WNT7A: variants seen among roughly 807,000 people sequenced by gnomAD.
WNT7A encodes protein Wnt-7a.
WNT7A carries 16 observed loss-of-function variants against 28.2 expected under a neutral mutation model. The observed-to-expected ratio is 0.57, with a 90% CI of 0.38 to 0.86. The LOEUF is 0.86. Ranked by LOEUF, WNT7A falls within the 40% of genes least tolerant of loss-of-function variation. The probability of loss-of-function intolerance (pLI) is 0.00; values close to 1 mark genes in which losing one functional copy is unlikely to be tolerated. For missense variants in WNT7A, 411 were observed against 489.7 expected (o/e 0.84, Z 1.52); for synonymous variants, 190 against 195.9 (o/e 0.97, Z 0.25).
At chr3:13,841,461 G>A (rs1020510934) in intron 3 of WNT7A, among the ~76,000 whole-genome samples, 12 of 152,198 alleles carry the variant, frequency 7.9e-5, no homozygotes, top group East Asian at 1.9e-4. Flanking sequence ...GACTTTGGGC[G>A]AGTCGCTGAA....
intron 3 of WNT7A, among the ~76,000 whole-genome samples, chr3:13,825,309 G>A (rs919894671): frequency 6.6e-6 from 1 of 152,168 alleles, no homozygotes; most frequent in Non-Finnish European, 1.5e-5. Flanking sequence ...CTCCCTCATG[G>A]TTTCCATGGC....
At chr3:13,835,153 G>A (rs1406383422) in intron 3 of WNT7A, among the ~76,000 whole-genome samples, 3 of 152,326 alleles carry the variant, frequency 2.0e-5, no homozygotes, top group Admixed American at 6.5e-5. Flanking sequence ...ACAGGAAGGA[G>A]GGCAGTGGGC....
At chr3:13,826,253 G>C (rs1425272882) in intron 3 of WNT7A, among the ~76,000 whole-genome samples, 1 of 152,204 alleles carries the variant, frequency 6.6e-6, no homozygotes, top group East Asian at 1.9e-4. Flanking sequence ...TTCCAAACCA[G>C]AAGTAACTGT....
intron 2 of WNT7A, among the ~76,000 whole-genome samples, chr3:13,861,671 G>A (rs1021090219): frequency 3.3e-5 from 5 of 152,192 alleles, no homozygotes; most frequent in Non-Finnish European, 7.4e-5. Flanking sequence ...AGCTAGTGGC[G>A]GGAGCAGGTG....
At chr3:13,825,101 G>C (rs2124829874) in intron 3 of WNT7A, among the ~76,000 whole-genome samples, 1 of 152,312 alleles carries the variant, frequency 6.6e-6, no homozygotes, top group Admixed American at 6.5e-5. Flanking sequence ...AAGAGCACAG[G>C]GTATTTCTGG....
chr3:13,877,230 T>C (rs1382382288), intron 1 of WNT7A: 1 of 152,258 alleles, frequency 6.6e-6, no homozygotes, highest in Non-Finnish European at 1.5e-5. Context: ...CACACAGCCC[T>C]GTGGGGCAAG....
chr3:13,833,297 T>C (rs976965160), intron 3 of WNT7A, among the ~76,000 whole-genome samples: 2 of 152,076 alleles, frequency 1.3e-5, no homozygotes, highest in East Asian at 1.9e-4. Flanking sequence ...TCTCATGCCG[T>C]CCATCCCTAC....
intron 3 of WNT7A, among the ~76,000 whole-genome samples, chr3:13,830,480 C>T (rs1694264061): frequency 2.6e-5 from 4 of 152,178 alleles, no homozygotes; most frequent in Admixed American, 2.6e-4. Flanking sequence ...GTCCATCATC[C>T]TCTGTGTGTG....
At position 13,818,778 on chromosome 3, in the gene WNT7A, T is replaced by C; in HGVS notation, c.*166A>G. ...TGTGGAACAGAATAGTTGAGGGCTC[T>C]GAGAGATTTTTTTTCCCCCACGGAT... On this transcript the variant is annotated 3_prime_UTR_variant, in exon 4 of 4. Transcript: ENST00000285018. 1.8e-6 allele frequency: 2 copies of C among 1,084,838 alleles called. No homozygotes were observed. Among genetic ancestry groups the C allele is most frequent in the Non-Finnish European group, 2.5e-6 (2 of 784,332 alleles). The allele number at this position is 1,084,838 out of a possible 1,614,324, so 67.2% of individuals were successfully genotyped here. A position where few individuals can be genotyped will look rare whatever the true frequency, so the allele number is the denominator to read the frequency against.
chr3:13,866,866 G>A (rs1157969593), intron 2 of WNT7A, among the ~76,000 whole-genome samples: 1 of 152,162 alleles, frequency 6.6e-6, no homozygotes, highest in East Asian at 1.9e-4. Flanking sequence ...GAGGTGGAGT[G>A]CATTTGGAGG....
At chr3:13,853,650 C>T (rs996723419) in intron 3 of WNT7A, among the ~76,000 whole-genome samples, 10 of 152,226 alleles carry the variant, frequency 6.6e-5, no homozygotes, top group South Asian at 2.1e-4. Context: ...GTGTTGCCCA[C>T]GGGCTCATGG....
At chr3:13,858,965 G>T (rs1018699945) in intron 2 of WNT7A, among the ~76,000 whole-genome samples, 1 of 152,138 alleles carries the variant, frequency 6.6e-6, no homozygotes, top group Non-Finnish European at 1.5e-5. Flanking sequence ...TTGACCCTTC[G>T]TTGCTTCCTC....
At chr3:13,872,367 C>T (rs74799154) in intron 2 of WNT7A, among the ~76,000 whole-genome samples, 17,307 of 152,072 alleles carry the variant, frequency 0.11, 1,956 homozygotes, top group African/African-American at 0.28. Context: ...GTTGCCACTT[C>T]TGTGGGCCAA....
At position 13,845,059 on chromosome 3, in the gene WNT7A, C is replaced by T. The variant is rs1694517732; in HGVS notation, c.570+9473G>A. Among the ~76,000 whole-genome samples the T allele has an allele frequency of 2.0e-5, 3 of 152,246 alleles. No individual in the cohort carries two copies. In the South Asian group the frequency reaches 6.2e-4, roughly 31 times the overall value. ...CCCTGACTCTACCTCACTTAGGGGG[C>T]TCTCAGGGCCTCGCCATGCTGCCCC... On this transcript the variant is annotated intron_variant, in intron 3 of 3. Coordinates refer to ENST00000285018, the MANE Select transcript of WNT7A (RefSeq NM_004625.4).
intron 2 of WNT7A, among the ~76,000 whole-genome samples, chr3:13,871,220 G>A (rs1218353676): frequency 6.6e-6 from 1 of 152,212 alleles, no homozygotes; most frequent in Non-Finnish European, 1.5e-5. Context: ...CTCAAAGTCA[G>A]GACTTAATGG....
chr3:13,843,742 G>A (rs1694496910), intron 3 of WNT7A, among the ~76,000 whole-genome samples: 1 of 149,550 alleles, frequency 6.7e-6, no homozygotes. Context: ...TGTCATGTTG[G>A]AATCTTTTTT....
chr3:13,844,015 G>A (rs1308290456), intron 3 of WNT7A, among the ~76,000 whole-genome samples: 1 of 152,104 alleles, frequency 6.6e-6, no homozygotes, highest in Admixed American at 6.5e-5. Flanking sequence ...CCAAAGTGCT[G>A]GGATTATAGG....
intron 3 of WNT7A, among the ~76,000 whole-genome samples, chr3:13,829,180 C>G (rs977283714): frequency 6.6e-6 from 1 of 152,084 alleles, no homozygotes; most frequent in African/African-American, 2.4e-5. Flanking sequence ...GACAAGGTGA[C>G]AATGGCAGAA....
chr3:13,868,200 T>G (rs190231538), intron 2 of WNT7A, among the ~76,000 whole-genome samples: 15 of 151,946 alleles, frequency 9.9e-5, no homozygotes, highest in African/African-American at 2.9e-4. Flanking sequence ...CAATATTATT[T>G]AAGAAAAAAA....
Sources: gnomAD v4.1 joint callset for allele counts (sites outside exome capture counted in the v4.1 genomes callset) on GRCh38, gnomAD v4.1.1 for gene constraint, MANE v1.5 for transcripts, NCBI Gene and HGNC (gene_info 2026-07-23, HGNC 2026-07-21) for gene names.